Variants in CEACAM18 observed in about 807,000 individuals in gnomAD.
The protein encoded by CEACAM18 is CEA cell adhesion molecule 18.
In CEACAM18, 33 loss-of-function variants were observed where a neutral mutation model predicts 34.3. The observed-to-expected ratio is 0.96, with a 90% CI of 0.73 to 1.29. The LOEUF (loss-of-function observed/expected upper bound fraction) is 1.29. CEACAM18 is among the 50% of genes most tolerant of loss of function. The probability of loss-of-function intolerance (pLI) is 0.00; values close to 1 mark genes in which losing one functional copy is unlikely to be tolerated. For missense variants in CEACAM18, 474 were observed against 485.0 expected (o/e 0.98, Z 0.21); for synonymous variants, 169 against 180.9 (o/e 0.93, Z 0.53).
chr19:51,488,286 A>G lies in CEACAM18; in HGVS notation c.1090-2301A>G, dbSNP rs1479217025. 2.6e-5 allele frequency among the ~76,000 whole-genome samples: 4 copies of G among 152,320 alleles called. No individual in the cohort carries two copies. The East Asian group carries it at 7.7e-4, about 29-fold the overall frequency. ...GAATGATATGATGGTATTAATAACA[A>G]TCTCTGAGATTTTATGATGTGCTTA... is the stretch of plus-strand genomic sequence containing the variant. On this transcript the variant is annotated intron_variant, in intron 5 of 5. Transcript: ENST00000396477.
At chr19:51,480,494 A>T (rs757123532) in exon 2 of CEACAM18, 23 of 1,613,934 alleles carry the variant, frequency 1.4e-5, no homozygotes, top group Admixed American at 1.2e-4. Flanking sequence ...CGCAGGAAAC[A>T]TGATTATCAG....
chr19:51,485,661 TG>T (rs1989986881), intron 5 of CEACAM18, among the ~76,000 whole-genome samples: 1 of 151,980 alleles, frequency 6.6e-6, no homozygotes, highest in Non-Finnish European at 1.5e-5. Flanking sequence ...GCCTGAAGGG[TG>T]ATGTGGGGAT....
At chr19:51,486,572 A>C (rs79210003) in intron 5 of CEACAM18, among the ~76,000 whole-genome samples, 10,789 of 152,070 alleles carry the variant, frequency 0.071, 464 homozygotes, top group African/African-American at 0.12. Flanking sequence ...CCTCATCTCT[A>C]GGGGCCAGTC....
intron 5 of CEACAM18, among the ~76,000 whole-genome samples, chr19:51,485,544 G>A (rs1285541446): frequency 1.3e-5 from 2 of 152,164 alleles, no homozygotes; most frequent in Non-Finnish European, 2.9e-5. Context: ...GTTAAGGTCT[G>A]GGTTCAAACC....
At chr19:51,480,015 G>T (rs914395286) in intron 1 of CEACAM18, among the ~76,000 whole-genome samples, 6 of 152,180 alleles carry the variant, frequency 3.9e-5, no homozygotes, top group Non-Finnish European at 7.3e-5. Flanking sequence ...AGCCATGGAA[G>T]GTGTTTGAGC....
At chr19:51,480,667 G>C (rs369762254) in exon 2 of CEACAM18, 1 of 1,612,266 alleles carries the variant, frequency 6.2e-7, no homozygotes, top group Admixed American at 1.7e-5. Context: ...CAACCGGCTG[G>C]CTGGAGGTTC....
At chr19:51,480,614 A>G in exon 2 of CEACAM18, 1 of 1,613,962 alleles carries the variant, frequency 6.2e-7, no homozygotes, top group Non-Finnish European at 8.5e-7. Flanking sequence ...TGACACGGGA[A>G]ACTACACTGT....
chr19:51,479,561 A>G (rs1413492684), intron 1 of CEACAM18, among the ~76,000 whole-genome samples: 1 of 152,012 alleles, frequency 6.6e-6, no homozygotes, highest in Non-Finnish European at 1.5e-5. Context: ...GACTCTGAGG[A>G]CCCCCAGAGG....
At chr19:51,482,340 T>C (rs755855214) in intron 3 of CEACAM18, among the ~76,000 whole-genome samples, 2 of 152,204 alleles carry the variant, frequency 1.3e-5, no homozygotes, top group Non-Finnish European at 2.9e-5. Flanking sequence ...AATAAACTCT[T>C]CCACATCTTC....
intron 5 of CEACAM18, 136 bp downstream of exon 5, chr19:51,485,258 G>A (rs1989980088): frequency 1.1e-6 from 1 of 883,852 alleles, no homozygotes. Flanking sequence ...GGATCATCTG[G>A]GGCAGACAGA....
At chr19:51,489,466 A>C (rs1019129500) in intron 5 of CEACAM18, among the ~76,000 whole-genome samples, 16 of 152,028 alleles carry the variant, frequency 1.1e-4, no homozygotes, top group African/African-American at 3.9e-4. Flanking sequence ...CAGGAGTGGC[A>C]TTTCCTAGAA....
intron 1 of CEACAM18, among the ~76,000 whole-genome samples, chr19:51,480,038 G>A (rs1170907193): frequency 1.3e-5 from 2 of 152,086 alleles, no homozygotes; most frequent in Non-Finnish European, 2.9e-5. Context: ...AGGAGAACAG[G>A]GTCGCAACTT....
chr19:51,478,901 C>T lies in CEACAM18; in HGVS notation c.52+207C>T, dbSNP rs561068807. On this transcript the variant is annotated intron_variant, in intron 1 of 5. Coordinates refer to ENST00000396477, the Ensembl canonical transcript of CEACAM18. ...CGTGGGCACACTTTGCCCCTAGACA[C>T]ACCCCTGCACAGACCCACACATGTG... Among the ~76,000 whole-genome samples, 7 of 152,094 alleles carry T rather than the reference C, an allele frequency of 4.6e-5. No homozygotes were observed. In the East Asian group the frequency reaches 1.4e-3, roughly 29 times the overall value.
chr19:51,480,841 G>T (rs1435206723), intron 2 of CEACAM18, among the ~76,000 whole-genome samples, 161 bp downstream of exon 2: 23 of 152,172 alleles, frequency 1.5e-4, no homozygotes, highest in Non-Finnish European at 2.9e-5. Context: ...CTGAGGGCTA[G>T]TGGGAGGAGA....
At chr19:51,486,710 C>CT (rs1327201659) in intron 5 of CEACAM18, among the ~76,000 whole-genome samples, 3,786 of 143,568 alleles carry the variant, frequency 0.026, 99 homozygotes, top group Non-Finnish European at 0.04. Context: ...TTCTTTCTTT[C>CT]TTTCTTTTCT....
chr19:51,489,516 A>C (rs1990055547), intron 5 of CEACAM18, among the ~76,000 whole-genome samples: 1 of 152,140 alleles, frequency 6.6e-6, no homozygotes, highest in African/African-American at 2.4e-5. Flanking sequence ...GACACACAGC[A>C]TACGTGTATG....
exon 3 of CEACAM18, chr19:51,481,544 C>T (rs199689750): frequency 1.2e-6 from 2 of 1,613,970 alleles, no homozygotes; most frequent in East Asian, 2.2e-5. Flanking sequence ...TGACAATTTC[C>T]CCAGACGGCA....
At chr19:51,480,622 T>C (rs368469693) in exon 2 of CEACAM18, 1 of 1,613,794 alleles carries the variant, frequency 6.2e-7, no homozygotes, top group African/African-American at 1.3e-5. Flanking sequence ...GAAACTACAC[T>C]GTTCGGGTGG....
intron 4 of CEACAM18, among the ~76,000 whole-genome samples, chr19:51,484,530 C>A (rs1989968694): frequency 6.6e-6 from 1 of 152,152 alleles, no homozygotes; most frequent in South Asian, 2.1e-4. Flanking sequence ...CCATGTTGCC[C>A]AGGCTGGTCT....
Sources: gnomAD v4.1 joint callset for allele counts (sites outside exome capture counted in the v4.1 genomes callset) on GRCh38, gnomAD v4.1.1 for gene constraint, MANE v1.5 for transcripts, NCBI Gene and HGNC (gene_info 2026-07-23, HGNC 2026-07-21) for gene names.